The following CHLSN variants were observed in gnomAD, a reference collection of about 807,000 sequenced individuals.
CHLSN encodes the protein protein cholesin.
chr7:1,115,054 C>T, the CHLSN span, among the ~76,000 whole-genome samples: 1 of 152,238 alleles, frequency 6.6e-6, no homozygotes, highest in Admixed American at 6.5e-5. Context: ...TGTTACCAGA[C>T]TGCAGTCCAC....
the CHLSN span, among the ~76,000 whole-genome samples, chr7:1,060,722 TC>T: frequency 2.0e-5 from 3 of 152,228 alleles, no homozygotes; most frequent in African/African-American, 7.2e-5. Flanking sequence ...CTGAGCTGTT[TC>T]TGTCAGTGTT....
the CHLSN span, among the ~76,000 whole-genome samples, chr7:1,017,372 C>T: frequency 6.6e-6 from 1 of 152,134 alleles, no homozygotes; most frequent in South Asian, 2.1e-4. Flanking sequence ...GCCTGGCCTG[C>T]CGTGCCCTGC....
chr7:987,454 CG>C, the CHLSN span: 5 of 1,575,348 alleles, frequency 3.2e-6, no homozygotes, highest in Non-Finnish European at 4.3e-6. Flanking sequence ...CGAGGTGCAG[CG>C]GTTCATCACG....
chr7:1,031,785 G>A, the CHLSN span, among the ~76,000 whole-genome samples: 4 of 59,274 alleles, frequency 6.7e-5, no homozygotes, highest in South Asian at 3.0e-3. Context: ...CCTGCAGGGA[G>A]GGCAGAGTGG....
the CHLSN span, chr7:997,284 G>T: frequency 8.2e-6 from 2 of 244,888 alleles, no homozygotes; most frequent in African/African-American, 4.5e-5. Context: ...ATTCCCGGTA[G>T]AAAAATAGAC....
chr7:1,103,075 G>A, the CHLSN span, among the ~76,000 whole-genome samples: 2 of 152,218 alleles, frequency 1.3e-5, no homozygotes, highest in Non-Finnish European at 2.9e-5. Flanking sequence ...TGCGGGCCGG[G>A]GTCTGGATGG....
At chr7:985,264 G>A in the CHLSN span, 1 of 1,551,912 alleles carries the variant, frequency 6.4e-7, no homozygotes, top group South Asian at 1.2e-5. Context: ...CCCCGTGTTT[G>A]TGTCCCTGCT....
chr7:1,125,817 C>T, the CHLSN span, among the ~76,000 whole-genome samples: 2 of 152,220 alleles, frequency 1.3e-5, no homozygotes, highest in Non-Finnish European at 2.9e-5. Flanking sequence ...TGACAATGCT[C>T]TTACCACGAT....
chr7:997,611 C>T, the CHLSN span: 3 of 1,562,392 alleles, frequency 1.9e-6, no homozygotes, highest in Non-Finnish European at 2.6e-6. Flanking sequence ...CGGCCCCGCC[C>T]CGCGCTGAAC....
At chr7:988,422 A>G in the CHLSN span, 1 of 1,612,416 alleles carries the variant, frequency 6.2e-7, no homozygotes, top group Non-Finnish European at 8.5e-7. Flanking sequence ...TCTGCAGGTC[A>G]GCAGCCCTCG....
the CHLSN span, among the ~76,000 whole-genome samples, chr7:1,125,085 C>G: frequency 6.6e-6 from 1 of 152,252 alleles, no homozygotes; most frequent in Non-Finnish European, 1.5e-5. Context: ...CCTGCTGAGC[C>G]GCCTGCAGCC....
chr7:1,021,656 C>A, the CHLSN span: 2 of 853,702 alleles, frequency 2.3e-6, no homozygotes, highest in Non-Finnish European at 2.8e-6. Flanking sequence ...CACCGCAGTG[C>A]CCTCTGGGAA....
At chr7:999,800 C>T in the CHLSN span, among the ~76,000 whole-genome samples, 1 of 152,210 alleles carries the variant, frequency 6.6e-6, no homozygotes, top group Admixed American at 6.5e-5. Context: ...CACTGCCCAC[C>T]GGATGCAGCT....
At chr7:1,041,309 G>GCGCTGCGGGGAACGGGACCTGGGC in the CHLSN span, among the ~76,000 whole-genome samples, 7 of 43,262 alleles carry the variant, frequency 1.6e-4, no homozygotes, top group South Asian at 6.2e-4. Context: ...GGGACCTGGG[G>GCGCTGCGGGGAACGGGACCTGGGC]TCCGCGCTGC....
chr7:993,455 G>A, the CHLSN span, among the ~76,000 whole-genome samples: 6 of 152,248 alleles, frequency 3.9e-5, no homozygotes, highest in Middle Eastern at 6.8e-3. Flanking sequence ...GCGCCGGCCC[G>A]GGCTGGAAGG....
the CHLSN span, among the ~76,000 whole-genome samples, chr7:1,063,641 G>T: frequency 3.9e-5 from 6 of 152,262 alleles, no homozygotes; most frequent in Non-Finnish European, 7.3e-5. Context: ...ACCAAGTGTG[G>T]TCTCACGTCC....
chr7:1,136,511 C>CATATATATAAATATATATAAACAT, the CHLSN span, among the ~76,000 whole-genome samples: 61 of 106,332 alleles, frequency 5.7e-4, 3 homozygotes, highest in African/African-American at 2.7e-3. Context: ...TATATATAAA[C>CATATATATAAATATATATAAACAT]ATATATAAAT....
the CHLSN span, among the ~76,000 whole-genome samples, chr7:1,012,812 G>A: frequency 1.3e-5 from 2 of 152,060 alleles, no homozygotes; most frequent in African/African-American, 2.4e-5. Flanking sequence ...CGGCTGCCCC[G>A]TGCTCGCGCT....
chr7:988,290 T>G, the CHLSN span: 1 of 1,596,018 alleles, frequency 6.3e-7, no homozygotes, highest in Non-Finnish European at 8.6e-7. Flanking sequence ...ACGCCCGTGA[T>G]TCCCCTGCTG....
Sources: gnomAD v4.1 joint callset for allele counts (sites outside exome capture counted in the v4.1 genomes callset) on GRCh38, gnomAD v4.1.1 for gene constraint, MANE v1.5 for transcripts, NCBI Gene and HGNC (gene_info 2026-07-23, HGNC 2026-07-21) for gene names.